CTNNA2: variants seen among roughly 807,000 people sequenced by gnomAD.
The protein encoded by CTNNA2 is catenin alpha 2.
In CTNNA2, 42 loss-of-function variants were observed where a neutral mutation model predicts 101.0. The observed-to-expected ratio is 0.42, with a 90% confidence interval of 0.32 to 0.54. The LOEUF (loss-of-function observed/expected upper bound fraction) is 0.54. CTNNA2 is among the 20% of genes least tolerant of loss of function. CTNNA2 has a pLI of 0.14. For missense variants in CTNNA2, 871 were observed against 1,223.1 expected (o/e 0.71, Z 4.29); for synonymous variants, 450 against 456.4 (o/e 0.99, Z 0.18).
intron 7 of CTNNA2, among the ~76,000 whole-genome samples, chr2:80,167,388 T>C (rs1318366649): frequency 6.6e-6 from 1 of 152,230 alleles, no homozygotes; most frequent in African/African-American, 2.4e-5. Flanking sequence ...AAATAATATT[T>C]AGCTTTATCC....
chr2:80,253,473 A>G (rs958297722), intron 7 of CTNNA2, among the ~76,000 whole-genome samples: 2 of 152,044 alleles, frequency 1.3e-5, no homozygotes, highest in African/African-American at 2.4e-5. Context: ...CTCTAGTTCT[A>G]TGCTCTCTCA....
chr2:80,554,393 C>G (rs1692843546), intron 11 of CTNNA2, among the ~76,000 whole-genome samples: 1 of 152,108 alleles, frequency 6.6e-6, no homozygotes, highest in Non-Finnish European at 1.5e-5. Context: ...ATATATTTAT[C>G]AAAAGCACAT....
chr2:79,499,886 A>C (rs972950968), intron 4 of CTNNA2, among the ~76,000 whole-genome samples: 1 of 152,220 alleles, frequency 6.6e-6, no homozygotes, highest in African/African-American at 2.4e-5. Flanking sequence ...GTGATTATGG[A>C]GGCTGGCAAG....
At chr2:80,162,540 A>G (rs549279164) in intron 7 of CTNNA2, 1 of 1,605,024 alleles carries the variant, frequency 6.2e-7, no homozygotes, top group Non-Finnish European at 8.5e-7. Flanking sequence ...CTATCTTCAT[A>G]GAAGAAATCA....
intron 7 of CTNNA2, among the ~76,000 whole-genome samples, chr2:80,310,043 A>AC (rs1456680149): frequency 2.6e-5 from 4 of 152,136 alleles, no homozygotes; most frequent in African/African-American, 7.2e-5. Context: ...TCTGCATTTA[A>AC]CCATTAGCCC....
At chr2:80,056,105 C>T (rs1283584152) in intron 7 of CTNNA2, among the ~76,000 whole-genome samples, 1 of 152,128 alleles carries the variant, frequency 6.6e-6, no homozygotes, top group Admixed American at 6.5e-5. Flanking sequence ...ATCAGAAATC[C>T]ACATTTCTGA....
At chr2:79,251,377 C>T in intron 2 of CTNNA2, among the ~76,000 whole-genome samples, 1 of 152,146 alleles carries the variant, frequency 6.6e-6, no homozygotes, top group East Asian at 1.9e-4. Context: ...CTCAGAGGAC[C>T]ACAGCTATTG....
At chr2:80,102,742 C>T (rs559857792) in intron 7 of CTNNA2, among the ~76,000 whole-genome samples, 3 of 152,090 alleles carry the variant, frequency 2.0e-5, no homozygotes, top group South Asian at 2.1e-4. Flanking sequence ...GAACTCCTGA[C>T]TTCAAGTGAT....
chr2:79,479,930 AAAG>A (rs759750272), intron 4 of CTNNA2, among the ~76,000 whole-genome samples: 1 of 152,144 alleles, frequency 6.6e-6, no homozygotes, highest in Non-Finnish European at 1.5e-5. Flanking sequence ...CTCAAAAAAA[AAAG>A]AAGGAATAAC....
chr2:79,826,713 T>C (rs78157449), intron 3 of CTNNA2, among the ~76,000 whole-genome samples: 2,254 of 152,316 alleles, frequency 0.015, 42 homozygotes, highest in East Asian at 0.04. Flanking sequence ...TACCTTCAAC[T>C]TCCTTCATTT....
At chr2:80,528,873 C>T (rs1263892280) in intron 9 of CTNNA2, among the ~76,000 whole-genome samples, 1 of 152,050 alleles carries the variant, frequency 6.6e-6, no homozygotes, top group Non-Finnish European at 1.5e-5. Context: ...GCTCTTCAGT[C>T]CCTGAGGACA....
intron 4 of CTNNA2, among the ~76,000 whole-genome samples, chr2:79,501,423 T>C (rs558935990): frequency 6.6e-6 from 1 of 152,330 alleles, no homozygotes; most frequent in African/African-American, 2.4e-5. Context: ...AGCCACTGCA[T>C]TCAGCTTATC....
At chr2:79,703,701 T>A (rs1685159407) in intron 2 of CTNNA2, among the ~76,000 whole-genome samples, 1 of 152,200 alleles carries the variant, frequency 6.6e-6, no homozygotes, top group Non-Finnish European at 1.5e-5. Context: ...ATTTGAATGT[T>A]GGCTAAGCTT....
intron 2 of CTNNA2, among the ~76,000 whole-genome samples, chr2:79,679,280 A>C (rs1683396587): frequency 6.6e-6 from 1 of 152,172 alleles, no homozygotes; most frequent in Non-Finnish European, 1.5e-5. Context: ...TTTGTTTTTC[A>C]GATGTGCACA....
At chr2:80,111,911 C>A (rs1489553137) in intron 7 of CTNNA2, among the ~76,000 whole-genome samples, 4 of 152,084 alleles carry the variant, frequency 2.6e-5, no homozygotes, top group African/African-American at 9.7e-5. Flanking sequence ...TAATATTTAG[C>A]CATTCATTTT....
chr2:80,324,547 C>A (rs1468353534), intron 7 of CTNNA2, among the ~76,000 whole-genome samples: 2 of 151,984 alleles, frequency 1.3e-5, no homozygotes, highest in African/African-American at 2.4e-5. Flanking sequence ...GTTTGGAGGA[C>A]CTAGGAATTG....
At chr2:79,865,544 G>A (rs114872221) in intron 4 of CTNNA2, among the ~76,000 whole-genome samples, 1,732 of 149,554 alleles carry the variant, frequency 0.012, 40 homozygotes, top group African/African-American at 0.04. Context: ...TAACAGCAAC[G>A]ATTTCTAGTA....
chr2:80,395,617 G>A (rs971943119), intron 8 of CTNNA2, among the ~76,000 whole-genome samples: 1 of 152,220 alleles, frequency 6.6e-6, no homozygotes. Flanking sequence ...AAGCTTAGAT[G>A]TGGGTAACTA....
At chr2:80,634,588 G>T (rs576385394) in intron 18 of CTNNA2, among the ~76,000 whole-genome samples, 4 of 151,948 alleles carry the variant, frequency 2.6e-5, no homozygotes, top group Non-Finnish European at 5.9e-5. Context: ...TTGTTGATAA[G>T]ATAAGTGATA....
Sources: gnomAD v4.1 joint callset for allele counts (sites outside exome capture counted in the v4.1 genomes callset) on GRCh38, gnomAD v4.1.1 for gene constraint, MANE v1.5 for transcripts, NCBI Gene and HGNC (gene_info 2026-07-23, HGNC 2026-07-21) for gene names.